Variants in CR2 observed in about 807,000 individuals in gnomAD.
CR2 encodes the protein complement receptor type 2.
A neutral mutation model predicts 123.0 loss-of-function variants in CR2; 96 were observed. The observed-to-expected ratio is 0.78, with a 90% CI of 0.66 to 0.93. The LOEUF is 0.93. Ranked by LOEUF, CR2 falls within the 40% of genes least tolerant of loss-of-function variation. The pLI, the probability that CR2 is intolerant of heterozygous loss-of-function variation, is 0.00. For missense variants in CR2, 1,258 were observed against 1,361.0 expected, an observed-to-expected ratio of 0.92 and a Z score of 1.19; for synonymous variants, 484 against 469.5, an observed-to-expected ratio of 1.03 and a Z score of -0.40.
rs751627502 is a variant in CR2, at chr1:207,470,760, A to G, written c.1246A>G (p.Ile416Val). 1.7e-5 allele frequency: 28 copies of G among 1,613,820 alleles called. No homozygotes were observed. Among genetic ancestry groups the G allele is most frequent in the Non-Finnish European group, 2.4e-5 (28 of 1,179,814 alleles). Residue 416 changes from isoleucine to valine, a missense_variant, in exon 7 of 20, where the codon ATC (isoleucine) becomes GTC (valine). Physicochemically the swap from Ile to Val is conservative, Grantham distance 29. Coordinates refer to ENST00000367057, the MANE Select transcript of CR2 (RefSeq NM_001006658.3). ...TTTAGAATGCCAGGCCCCTCCTAACATCCTCAATGGGCAAAAGGAAGATAG... is the reference window on the plus strand; with the variant it reads ...TTTAGAATGCCAGGCCCCTCCTAACGTCCTCAATGGGCAAAAGGAAGATAG... ...CEKECQAPPN[I>V]LNGQKEDRHM...
chr1:207,479,905 G>C (rs906719089), intron 17 of CR2, 73 bp from the exon 18 acceptor site: 1 of 1,079,724 alleles, frequency 9.3e-7, no homozygotes, highest in African/African-American at 1.6e-5. Context: ...ACTAGCAATA[G>C]GCCCTGCAAT....
chr1:207,461,325 T>G (rs17044576), intron 1 of CR2, among the ~76,000 whole-genome samples: 1 of 152,046 alleles, frequency 6.6e-6, no homozygotes, highest in Non-Finnish European at 1.5e-5. Context: ...CTTGTAAGGG[T>G]GAAGGAGATG....
chr1:207,478,252 G>A (rs769649800), intron 16 of CR2, among the ~76,000 whole-genome samples, 182 bp downstream of exon 16: 10 of 152,052 alleles, frequency 6.6e-5, no homozygotes, highest in Non-Finnish European at 1.2e-4. Context: ...GGCCAGGTCC[G>A]TGACTTCTGC....
intron 16 of CR2, among the ~76,000 whole-genome samples, 156 bp from the exon 17 acceptor site, chr1:207,479,100 AG>A (rs1658528209): frequency 2.0e-5 from 3 of 152,196 alleles, no homozygotes; most frequent in Admixed American, 2.0e-4. Flanking sequence ...CTAGGATTAC[AG>A]GCATGTGCCA....
chr1:207,460,642 G>A (rs962529864), intron 1 of CR2, among the ~76,000 whole-genome samples: 10 of 152,058 alleles, frequency 6.6e-5, no homozygotes, highest in African/African-American at 2.2e-4. Flanking sequence ...AGTTTAGGGC[G>A]TTGAAACTTG....
intron 15 of CR2, 42 bp downstream of exon 15, chr1:207,476,461 G>A: frequency 6.4e-7 from 1 of 1,562,068 alleles, no homozygotes; most frequent in Non-Finnish European, 8.7e-7. Flanking sequence ...TATCAAATTT[G>A]TGCCAAATAG....
intron 18 of CR2, among the ~76,000 whole-genome samples, chr1:207,481,377 A>G (rs923342264): frequency 6.6e-6 from 1 of 152,070 alleles, no homozygotes; most frequent in African/African-American, 2.4e-5. Flanking sequence ...TCTGACATAA[A>G]TATGCAAGAT....
intron 1 of CR2, 64 bp from the exon 2 acceptor site, chr1:207,466,462 C>G: frequency 6.4e-7 from 1 of 1,568,122 alleles, no homozygotes; most frequent in African/African-American, 1.4e-5. Context: ...GGATATTTTA[C>G]CTACATTTGA....
In CR2 at chr1:207,475,063, G is replaced by A; in HGVS notation, c.2563G>A (p.Gly855Arg). 6.2e-7 allele frequency: 1 copy of A among 1,613,508 alleles called. No individual in the cohort carries two copies. Among genetic ancestry groups the A allele is most frequent in the South Asian group, 1.1e-5 (1 of 91,064 alleles). Reference sequence around the variant, plus strand: ...CTGCCCTAATCCAGAAGTCAAACATGGGTACAAGCTCAATAAAACACATTC... The same window carrying A: ...CTGCCCTAATCCAGAAGTCAAACATAGGTACAAGCTCAATAAAACACATTC... ...TRCPNPEVKH[G>R]YKLNKTHSAY... The change falls in exon 14 of 20, where the codon GGG becomes AGG. Residue 855 changes from glycine to arginine, a missense_variant. By Grantham distance (125) the Gly-to-Arg change is moderately radical. Coordinates refer to ENST00000367057, the MANE Select transcript of CR2 (RefSeq NM_001006658.3).
At chr1:207,460,193 A>G (rs1208401214) in intron 1 of CR2, among the ~76,000 whole-genome samples, 1 of 152,212 alleles carries the variant, frequency 6.6e-6, no homozygotes, top group Non-Finnish European at 1.5e-5. Flanking sequence ...GTCTTCATTG[A>G]GGTCAAACCC....
chr1:207,468,449 A>C (rs1035659094), intron 2 of CR2, 78 bp from the exon 3 acceptor site: 3 of 1,485,236 alleles, frequency 2.0e-6, no homozygotes, highest in African/African-American at 1.4e-5. Context: ...GGAAGCCAAA[A>C]GATTGGACCC....
At chr1:207,478,116 A>G (rs751837567) in intron 16 of CR2, 46 bp downstream of exon 16, 7 of 1,585,088 alleles carry the variant, frequency 4.4e-6, no homozygotes, top group Middle Eastern at 1.8e-4. Context: ...GCTAACGGAG[A>G]GAAGAGAGTG....
intron 1 of CR2, among the ~76,000 whole-genome samples, chr1:207,457,126 G>T (rs1270210735): frequency 6.6e-6 from 1 of 152,112 alleles, no homozygotes; most frequent in African/African-American, 2.4e-5. Context: ...TTTGTTGTTT[G>T]TTCCCTCACT....
At chr1:207,457,066 T>C (rs931327643) in intron 1 of CR2, among the ~76,000 whole-genome samples, 1 of 152,260 alleles carries the variant, frequency 6.6e-6, no homozygotes, top group East Asian at 1.9e-4. Flanking sequence ...TTCTATTTTC[T>C]ACAGACCACC....
In CR2 at chr1:207,476,426, T is replaced by C. The variant is rs767269828; in HGVS notation, c.2902+7T>C. 20 of 1,611,768 alleles carry C rather than the reference T, an allele frequency of 1.2e-5. No individual in the cohort carries two copies. The South Asian group carries it at 2.1e-4, about 17-fold the overall frequency. On this transcript the variant is annotated splice_region_variant and intron_variant, in intron 15 of 19. Transcript: ENST00000367057. ...CCTGCCCCTCATTGTAAAGGTGCTT[T>C]GTCTATTTTTTATTCTTATTTTTAT...
chr1:207,474,175 T>C lies in CR2; in HGVS notation c.2241-66T>C. ...AAAGTTCTTATTTAGAAGTCCCTTT[T>C]TGCATGCAGTTTGAAGAGATATGAT... On this transcript the variant is annotated intron_variant, in intron 12 of 19. Coordinates refer to ENST00000367057, the MANE Select transcript of CR2 (RefSeq NM_001006658.3). 3 of 1,301,000 alleles carry C rather than the reference T, an allele frequency of 2.3e-6. No homozygotes were observed. The South Asian group carries it at 3.6e-5, about 15-fold the overall frequency. The allele number at this position is 1,301,000 out of a possible 1,614,324, so 80.6% of individuals were successfully genotyped here.
At chr1:207,467,187 T>A (rs1201703558) in intron 2 of CR2, among the ~76,000 whole-genome samples, 1 of 152,070 alleles carries the variant, frequency 6.6e-6, no homozygotes, top group Non-Finnish European at 1.5e-5. Context: ...AAGGATGGGG[T>A]CAGAGTTTGT....
At chr1:207,473,259 A>G in intron 10 of CR2, 80 bp downstream of exon 10, 2 of 1,529,198 alleles carry the variant, frequency 1.3e-6, no homozygotes, top group South Asian at 1.1e-5. Flanking sequence ...AAACTGCATC[A>G]TGGAAAGAGG....
At chr1:207,477,095 C>T (rs1658462691) in intron 15 of CR2, among the ~76,000 whole-genome samples, 1 of 152,184 alleles carries the variant, frequency 6.6e-6, no homozygotes. Context: ...AATCCAAGAT[C>T]TCACTGTGTT....
Sources: gnomAD v4.1 joint callset for allele counts (sites outside exome capture counted in the v4.1 genomes callset) on GRCh38, gnomAD v4.1.1 for gene constraint, MANE v1.5 for transcripts, NCBI Gene and HGNC (gene_info 2026-07-23, HGNC 2026-07-21) for gene names.